Variants in SNX9 observed in about 807,000 individuals in gnomAD.
SNX9 encodes sorting nexin 9, also known as sorting nexin-9.
In SNX9, 44 loss-of-function variants were observed where a neutral mutation model predicts 89.4. The observed-to-expected ratio is 0.49, with a 90% CI of 0.39 to 0.63. The LOEUF is 0.63. Among genes scored for constraint, SNX9 ranks in the 30% least tolerant of loss-of-function variants. The probability of loss-of-function intolerance (pLI) is 0.00; values close to 1 mark genes in which losing one functional copy is unlikely to be tolerated. For missense variants in SNX9, 578 were observed against 736.1 expected (o/e 0.79, Z 2.49); for synonymous variants, 236 against 247.8 (o/e 0.95, Z 0.45).
chr6:157,857,417 C>T (rs540965853), intron 1 of SNX9, among the ~76,000 whole-genome samples: 1 of 151,926 alleles, frequency 6.6e-6, no homozygotes, highest in African/African-American at 2.4e-5. Flanking sequence ...AAATGCTGCT[C>T]GGAATTCCCA....
intron 4 of SNX9, among the ~76,000 whole-genome samples, chr6:157,882,104 T>C (rs975979235): frequency 1.3e-5 from 2 of 152,224 alleles, no homozygotes; most frequent in African/African-American, 4.8e-5. Context: ...AAGGGGCTAA[T>C]GCGGCTGGTA....
At chr6:157,857,145 CAAATTT>C (rs1782029322) in intron 1 of SNX9, among the ~76,000 whole-genome samples, 1 of 152,122 alleles carries the variant, frequency 6.6e-6, no homozygotes, top group South Asian at 2.1e-4. Context: ...TGAGTTTAAG[CAAATTT>C]AATGTTTCAG....
chr6:157,870,936 T>C (rs1782395375), intron 2 of SNX9, among the ~76,000 whole-genome samples: 1 of 152,218 alleles, frequency 6.6e-6, no homozygotes, highest in Admixed American at 6.5e-5. Flanking sequence ...ACACGCACAC[T>C]CGCATGCTCA....
At chr6:157,887,512 G>A (rs960593608) in intron 4 of SNX9, among the ~76,000 whole-genome samples, 1 of 152,138 alleles carries the variant, frequency 6.6e-6, no homozygotes, top group African/African-American at 2.4e-5. Context: ...AGAGACCGCC[G>A]AGCTTTGTGT....
At chr6:157,835,412 C>CTTT (rs757017383) in intron 1 of SNX9, among the ~76,000 whole-genome samples, 3 of 130,734 alleles carry the variant, frequency 2.3e-5, no homozygotes, top group African/African-American at 8.3e-5. Flanking sequence ...CATTCCCCTT[C>CTTT]TTTTTTTTTT....
chr6:157,852,216 C>G (rs568193724), intron 1 of SNX9, among the ~76,000 whole-genome samples: 1 of 152,152 alleles, frequency 6.6e-6, no homozygotes, highest in Non-Finnish European at 1.5e-5. Context: ...ATTTTATATT[C>G]CCACCAACCA....
intron 1 of SNX9, chr6:157,830,129 A>G (rs1017134264): frequency 7.9e-5 from 12 of 152,220 alleles, no homozygotes; most frequent in African/African-American, 2.9e-4. Context: ...CATTATTTTT[A>G]TACAGTTAAA....
intron 10 of SNX9, among the ~76,000 whole-genome samples, chr6:157,924,011 A>G (rs1783637506): frequency 6.6e-6 from 1 of 152,186 alleles, no homozygotes; most frequent in South Asian, 2.1e-4. Flanking sequence ...CAGCCAGGCC[A>G]ATATGGCGAA....
intron 5 of SNX9, among the ~76,000 whole-genome samples, chr6:157,899,872 T>C (rs1009507748): frequency 2.6e-5 from 4 of 151,812 alleles, no homozygotes; most frequent in African/African-American, 2.4e-5. Context: ...AACATATCCC[T>C]CACCTCACAT....
At chr6:157,854,953 T>C (rs1267978977) in intron 1 of SNX9, among the ~76,000 whole-genome samples, 1 of 129,318 alleles carries the variant, frequency 7.7e-6, no homozygotes, top group Non-Finnish European at 1.7e-5. Context: ...AGGTTCATGT[T>C]AAAAAAAAAA....
At chr6:157,874,964 C>A (rs1782487662) in intron 3 of SNX9, 87 bp from the exon 4 acceptor site, 24 of 1,442,704 alleles carry the variant, frequency 1.7e-5, no homozygotes, top group Non-Finnish European at 2.0e-5. Flanking sequence ...GAATATAAAC[C>A]CTTTTTGACA....
intron 1 of SNX9, among the ~76,000 whole-genome samples, chr6:157,826,236 C>T (rs1206190574): frequency 6.6e-6 from 1 of 152,124 alleles, no homozygotes; most frequent in Non-Finnish European, 1.5e-5. Context: ...CGCCGTCTCA[C>T]GCCTGTAATC....
chr6:157,840,288 G>C (rs1781671515), intron 1 of SNX9, among the ~76,000 whole-genome samples: 1 of 152,200 alleles, frequency 6.6e-6, no homozygotes, highest in South Asian at 2.1e-4. Context: ...TCAGGGAAGA[G>C]GGGCTGCTCC....
chr6:157,877,519 A>G (rs1782543837), intron 4 of SNX9, among the ~76,000 whole-genome samples: 1 of 152,234 alleles, frequency 6.6e-6, no homozygotes, highest in South Asian at 2.1e-4. Flanking sequence ...ACCATGAAAG[A>G]TGTCACGAGT....
chr6:157,859,649 G>A (rs1200681134), intron 1 of SNX9, among the ~76,000 whole-genome samples: 1 of 152,148 alleles, frequency 6.6e-6, no homozygotes, highest in Admixed American at 6.5e-5. Context: ...TGTGGCCGTG[G>A]GGATCTGGCA....
intron 4 of SNX9, among the ~76,000 whole-genome samples, chr6:157,876,535 A>G (rs1305835237): frequency 1.3e-5 from 2 of 152,222 alleles, no homozygotes; most frequent in South Asian, 2.1e-4. Context: ...ACATTTCAAA[A>G]CAGCTTTTTG....
chr6:157,941,884 G>A (rs544369081), intron 17 of SNX9, among the ~76,000 whole-genome samples: 7 of 152,346 alleles, frequency 4.6e-5, no homozygotes, highest in Non-Finnish European at 7.4e-5. Flanking sequence ...CTTACAGGAC[G>A]TGGGCCCTAT....
intron 6 of SNX9, among the ~76,000 whole-genome samples, chr6:157,904,677 T>C (rs1783174182): frequency 6.6e-6 from 1 of 151,966 alleles, no homozygotes; most frequent in Admixed American, 6.6e-5. Flanking sequence ...GCCACTGTAC[T>C]CCAGCCTGGC....
intron 1 of SNX9, among the ~76,000 whole-genome samples, chr6:157,843,368 A>G (rs1373556107): frequency 6.6e-6 from 1 of 152,058 alleles, no homozygotes; most frequent in Non-Finnish European, 1.5e-5. Context: ...TATAACGCAA[A>G]CAGTTAACAC....
Sources: allele counts gnomAD v4.1 joint callset (sites outside exome capture counted in the v4.1 genomes callset), GRCh38; gene constraint gnomAD v4.1.1; transcripts MANE v1.5; gene names NCBI Gene and HGNC (gene_info 2026-07-23, HGNC 2026-07-21).